The following LRRTM4 variants were observed in gnomAD, a reference collection of about 807,000 sequenced individuals.
LRRTM4 encodes the protein leucine-rich repeat transmembrane neuronal protein 4.
In LRRTM4, 25 loss-of-function variants were observed where a neutral mutation model predicts 47.6. The observed-to-expected ratio is 0.53, with a 90% CI of 0.38 to 0.73. LRRTM4 has a LOEUF of 0.73. Among genes scored for constraint, LRRTM4 ranks in the 30% least tolerant of loss-of-function variants. The probability of loss-of-function intolerance (pLI) is 0.00; values close to 1 mark genes in which losing one functional copy is unlikely to be tolerated. For synonymous variants in LRRTM4, 311 were observed against 269.5 expected, an observed-to-expected ratio of 1.15 and a Z score of -1.51; for missense variants, 638 against 713.4, an observed-to-expected ratio of 0.89 and a Z score of 1.20.
intron 3 of LRRTM4, among the ~76,000 whole-genome samples, chr2:77,375,494 A>G (rs1356624466): frequency 6.6e-6 from 1 of 151,796 alleles, no homozygotes; most frequent in African/African-American, 2.4e-5. Flanking sequence ...AAGGGAACAA[A>G]TAGTACTGTT....
chr2:76,940,113 G>A (rs1449664603), intron 3 of LRRTM4, among the ~76,000 whole-genome samples: 3 of 151,958 alleles, frequency 2.0e-5, no homozygotes, highest in Non-Finnish European at 2.9e-5. Flanking sequence ...CAGAACTAAT[G>A]TTCAACCCAG....
chr2:77,069,401 ATGTGTGTGTGTGTGTGTGTGTGTGTG>A (rs3058064), intron 3 of LRRTM4, among the ~76,000 whole-genome samples: 7 of 141,476 alleles, frequency 4.9e-5, no homozygotes, highest in Non-Finnish European at 6.2e-5. Flanking sequence ...ACATTTCACT[ATGTGTGTGTGTGTGTGTGTGTGTGTG>A]TGTGTGTGTG....
chr2:76,754,021 G>A (rs894501005), intron 3 of LRRTM4, among the ~76,000 whole-genome samples: 1 of 151,982 alleles, frequency 6.6e-6, no homozygotes, highest in Non-Finnish European at 1.5e-5. Context: ...TTCAATTGAA[G>A]TCATAAAAAG....
chr2:76,939,728 C>T (rs911600829), intron 3 of LRRTM4, among the ~76,000 whole-genome samples: 2 of 151,940 alleles, frequency 1.3e-5, no homozygotes, highest in African/African-American at 4.8e-5. Context: ...TATGTTAGTC[C>T]TACATGCTCT....
chr2:77,021,670 C>T (rs1341356834), intron 3 of LRRTM4, among the ~76,000 whole-genome samples: 2 of 152,178 alleles, frequency 1.3e-5, no homozygotes, highest in African/African-American at 2.4e-5. Context: ...AATGCAACTG[C>T]ATGAGTTTAC....
At position 76,847,400 on chromosome 2, in the gene LRRTM4, A is replaced by C. The variant is rs1227020981; in HGVS notation, c.1552-98484T>G. 7.2e-5 allele frequency among the ~76,000 whole-genome samples: 11 copies of C among 152,192 alleles called. No homozygotes were observed. The East Asian group carries it at 1.9e-3, about 27-fold the overall frequency. ...AAAATTCCAAAATAATTCTCTTTTC[A>C]GTTTACAGTTTTTTCATGAGCCAAT... is the stretch of plus-strand genomic sequence containing the variant. On this transcript the variant is annotated intron_variant, in intron 3 of 3. Coordinates refer to ENST00000409884, the MANE Select transcript of LRRTM4 (RefSeq NM_001134745.3).
In LRRTM4 at chr2:77,014,503, C is replaced by CATAT. The variant is rs71381251; in HGVS notation, c.1552-265591_1552-265588dup. 4.0e-4 allele frequency among the ~76,000 whole-genome samples: 55 copies of CATAT among 139,158 alleles called. 3 individuals carry two copies. The highest frequency in any genetic ancestry group is 3.8e-3 in the Middle Eastern group (1 of 264). The allele number at this position is 139,158 out of a possible 152,430, so 91.3% of individuals were successfully genotyped here. On this transcript the variant is annotated intron_variant, in intron 3 of 3. Transcript: ENST00000409884. ...TGCAGAAGAAGCATTTGTGCCCTTT[C>CATAT]ATATATATATATATAAAGATTTTAT...
chr2:76,807,426 ATATATATATACG>A (rs1322206950), intron 3 of LRRTM4, among the ~76,000 whole-genome samples: 2 of 52,606 alleles, frequency 3.8e-5, no homozygotes, highest in African/African-American at 1.5e-4. Context: ...ATATATATAC[ATATATATATACG>A]TATATACATA....
rs1396648231 is a variant in LRRTM4, at chr2:77,518,822, C to G, written c.1047G>C (p.Lys349Asn). ...TATATGTTTCCACTGCATCACTAAC[C>G]TTTTCACCCTGGATGTGCTTAGGTC... Reference protein sequence around the residue: ...CAGPKHIQGEKVSDAVETYNI... With the variant: ...CAGPKHIQGENVSDAVETYNI... The change falls in exon 3 of 4, where the codon AAG (lysine) becomes AAC (asparagine). Residue 349 changes from lysine (K) to asparagine (N), a missense_variant. Transcript: ENST00000409884. 3 of 1,610,920 alleles carry G rather than the reference C, an allele frequency of 1.9e-6. No homozygotes were observed. The highest frequency in any genetic ancestry group is 2.5e-6 in the Non-Finnish European group (3 of 1,178,382).
At chr2:76,906,909 C>T (rs1427744008) in intron 3 of LRRTM4, among the ~76,000 whole-genome samples, 2 of 151,706 alleles carry the variant, frequency 1.3e-5, no homozygotes, top group African/African-American at 4.8e-5. Context: ...GAGACTTTAA[C>T]ACCCCACTGT....
At chr2:77,053,230 T>C (rs1012981409) in intron 3 of LRRTM4, among the ~76,000 whole-genome samples, 3 of 152,176 alleles carry the variant, frequency 2.0e-5, no homozygotes, top group African/African-American at 7.2e-5. Flanking sequence ...GACAACTTTC[T>C]CCTATATCTC....
chr2:77,444,977 GAA>G (rs59871120), intron 3 of LRRTM4, among the ~76,000 whole-genome samples: 1,510 of 137,170 alleles, frequency 0.011, 29 homozygotes, highest in African/African-American at 0.037. Context: ...ACACGATCCG[GAA>G]AAAAAAAAAA....
At chr2:76,853,789 G>GAATTGT (rs1672066298) in intron 3 of LRRTM4, among the ~76,000 whole-genome samples, 1 of 152,120 alleles carries the variant, frequency 6.6e-6, no homozygotes, top group Admixed American at 6.6e-5. Context: ...AACACATACA[G>GAATTGT]AATTGTGTTT....
intron 3 of LRRTM4, among the ~76,000 whole-genome samples, chr2:77,076,692 A>G (rs908445273): frequency 6.6e-6 from 1 of 152,220 alleles, no homozygotes; most frequent in Non-Finnish European, 1.5e-5. Context: ...TGATAGAATA[A>G]AAGTCATGCA....
intron 3 of LRRTM4, among the ~76,000 whole-genome samples, chr2:77,123,128 G>A (rs925758358): frequency 1.5e-4 from 22 of 150,426 alleles, no homozygotes; most frequent in African/African-American, 4.4e-4. Flanking sequence ...AATCATGAAA[G>A]GAAATAGATC....
chr2:77,054,204 C>T (rs530657047), intron 3 of LRRTM4, among the ~76,000 whole-genome samples: 1 of 149,900 alleles, frequency 6.7e-6, no homozygotes, highest in African/African-American at 2.5e-5. Flanking sequence ...AGGGTACCTA[C>T]AGAGACTGTG....
intron 3 of LRRTM4, among the ~76,000 whole-genome samples, chr2:77,059,584 T>G (rs1679719835): frequency 6.6e-6 from 1 of 152,160 alleles, no homozygotes; most frequent in Non-Finnish European, 1.5e-5. Context: ...CTCAATAATT[T>G]TGTTTTCTTT....
chr2:76,826,387 AC>A (rs1403722129), intron 3 of LRRTM4, among the ~76,000 whole-genome samples: 2 of 151,448 alleles, frequency 1.3e-5, no homozygotes, highest in Non-Finnish European at 3.0e-5. Flanking sequence ...GGTTATATAA[AC>A]CCTTATATAT....
chr2:77,107,448 A>C (rs1224847424), intron 3 of LRRTM4, among the ~76,000 whole-genome samples: 1 of 152,160 alleles, frequency 6.6e-6, no homozygotes, highest in Non-Finnish European at 1.5e-5. Context: ...TCTTGGAAAA[A>C]TGAAACCACA....
Sources: allele counts gnomAD v4.1 joint callset (sites outside exome capture counted in the v4.1 genomes callset), GRCh38; gene constraint gnomAD v4.1.1; transcripts MANE v1.5; gene names NCBI Gene and HGNC (gene_info 2026-07-23, HGNC 2026-07-21).